TMEM207: variants seen among roughly 807,000 people sequenced by gnomAD.
The protein encoded by TMEM207 is transmembrane protein 207.
In TMEM207, 15 loss-of-function variants were observed where a neutral mutation model predicts 17.4. That is an observed-to-expected ratio of 0.86 (90% CI 0.58 to 1.33). The LOEUF is 1.33. Among genes scored for constraint, TMEM207 ranks in the 40% most tolerant of loss-of-function variants. The pLI, the probability that TMEM207 is intolerant of heterozygous loss-of-function variation, is 0.00. For synonymous variants in TMEM207, 70 were observed against 65.6 expected, an observed-to-expected ratio of 1.07 and a Z score of -0.33; for missense variants, 205 against 173.8, an observed-to-expected ratio of 1.18 and a Z score of -1.01.
chr3:190,449,637 G>T, intron 1 of TMEM207, 98 bp downstream of exon 1: 2 of 1,018,112 alleles, frequency 2.0e-6, no homozygotes, highest in African/African-American at 1.6e-5. Context: ...AAATGTAGAA[G>T]CAGTTAAGTT....
chr3:190,435,036 C>T (rs181956025), intron 4 of TMEM207, among the ~76,000 whole-genome samples: 105 of 152,166 alleles, frequency 6.9e-4, no homozygotes, highest in African/African-American at 2.4e-3. Flanking sequence ...CCTTCTCTGC[C>T]TTCTTGACTT....
intron 4 of TMEM207, among the ~76,000 whole-genome samples, chr3:190,432,648 T>C (rs1719715464): frequency 6.6e-6 from 1 of 152,084 alleles, no homozygotes; most frequent in Non-Finnish European, 1.5e-5. Context: ...AATAAAAGAA[T>C]CCTGGGAGAC....
intron 2 of TMEM207, among the ~76,000 whole-genome samples, chr3:190,443,400 T>G (rs1444731374): frequency 1.3e-5 from 2 of 152,198 alleles, no homozygotes; most frequent in Non-Finnish European, 2.9e-5. Context: ...CAACTTTATT[T>G]CACTTTTTTT....
At chr3:190,445,815 G>T (rs1191618694) in intron 2 of TMEM207, among the ~76,000 whole-genome samples, 2 of 152,190 alleles carry the variant, frequency 1.3e-5, no homozygotes, top group Non-Finnish European at 2.9e-5. Context: ...GTTAGCCACT[G>T]CGCCCGGTCG....
chr3:190,437,519 C>T (rs1719829001), intron 4 of TMEM207, among the ~76,000 whole-genome samples: 3 of 152,148 alleles, frequency 2.0e-5, no homozygotes, highest in Non-Finnish European at 4.4e-5. Context: ...AGACGTAAAA[C>T]AAATTGTGAC....
At chr3:190,431,944 A>T (rs1719702082) in intron 4 of TMEM207, among the ~76,000 whole-genome samples, 1 of 152,206 alleles carries the variant, frequency 6.6e-6, no homozygotes, top group Non-Finnish European at 1.5e-5. Context: ...AAGTTTTGAA[A>T]ACCAAATATG....
At chr3:190,441,054 G>A (rs1719925096) in intron 3 of TMEM207, among the ~76,000 whole-genome samples, 1 of 151,822 alleles carries the variant, frequency 6.6e-6, no homozygotes, top group Admixed American at 6.6e-5. Flanking sequence ...GGGCGACAGA[G>A]CAAAACTGTG....
chr3:190,439,138 C>T lies in TMEM207; in HGVS notation c.304+1106G>A, dbSNP rs928198133. On this transcript the variant is annotated intron_variant, in intron 4 of 4. Transcript: ENST00000354905. ...CTTGCAGTGAGCGGAGATCGCGCCA[C>T]GGCACTCCCGCCTGGGCGACAGAGC... Among the ~76,000 whole-genome samples the T allele has an allele frequency of 3.0e-5, 4 of 134,868 alleles. No homozygotes were observed. In the South Asian group the frequency reaches 7.1e-4, roughly 24 times the overall value. The allele number at this position is 134,868 out of a possible 152,430, so 88.5% of individuals were successfully genotyped here. A position where few individuals can be genotyped will look rare whatever the true frequency, so the allele number is the denominator to read the frequency against.
chr3:190,443,511 C>G (rs2108537916), intron 2 of TMEM207, among the ~76,000 whole-genome samples: 1 of 152,204 alleles, frequency 6.6e-6, no homozygotes, highest in Non-Finnish European at 1.5e-5. Context: ...CTCCAAATCG[C>G]AGGCATCTTT....
intron 4 of TMEM207, 69 bp from the exon 5 acceptor site, chr3:190,429,800 G>C (rs370616396): frequency 7.0e-7 from 1 of 1,438,708 alleles, no homozygotes; most frequent in Non-Finnish European, 9.2e-7. Flanking sequence ...TGAACTGCCC[G>C]ATAAAATCTG....
intron 1 of TMEM207, among the ~76,000 whole-genome samples, chr3:190,448,756 T>C (rs28704674): frequency 0.44 from 66,543 of 151,948 alleles, 15,742 homozygotes; most frequent in African/African-American, 0.62. Context: ...GTGAGATGTG[T>C]CTTTTCCCCC....
intron 1 of TMEM207, among the ~76,000 whole-genome samples, 182 bp from the exon 2 acceptor site, chr3:190,448,009 C>A (rs1720087344): frequency 6.6e-6 from 1 of 152,118 alleles, no homozygotes; most frequent in Non-Finnish European, 1.5e-5. Context: ...TGGGTGGATT[C>A]TTAAGCTCAG....
chr3:190,439,095 T>G (rs1243162265), intron 4 of TMEM207, among the ~76,000 whole-genome samples: 1 of 144,536 alleles, frequency 6.9e-6, no homozygotes, highest in Non-Finnish European at 1.5e-5. Context: ...GAGAATGGCG[T>G]GAACCCGGGA....
chr3:190,444,397 C>A (rs891720268), intron 2 of TMEM207: 1 of 984,464 alleles, frequency 1.0e-6, no homozygotes. Flanking sequence ...TGTCGTGGTG[C>A]GACTGGGACA....
Position 190,446,515 on chromosome 3 carries a change from T to TG in TMEM207, c.113+1274_113+1275insC, listed in dbSNP as rs5855336. 1.1e-3 allele frequency among the ~76,000 whole-genome samples: 164 copies of TG among 152,088 alleles called. 3 individuals are homozygous for TG. The highest frequency in any genetic ancestry group is 3.9e-3 in the African/African-American group (160 of 41,460). ...ATTTCATTTGAGGGTTAATTTTTTT[T>TG]TGTTTTTACTCAAAAGCAATTGTAT... On this transcript the variant is annotated intron_variant, in intron 2 of 4. Coordinates refer to ENST00000354905, the MANE Select transcript of TMEM207 (RefSeq NM_207316.3).
chr3:190,429,851 T>A, intron 4 of TMEM207, 120 bp from the exon 5 acceptor site: 2 of 1,245,280 alleles, frequency 1.6e-6, no homozygotes. Context: ...ATTATTTGTA[T>A]CTATGAGAAA....
In TMEM207 at chr3:190,429,494, A is replaced by T. The variant is rs1247331171; in HGVS notation, c.*101T>A. On this transcript the variant is annotated 3_prime_UTR_variant, in exon 5 of 5. Coordinates refer to ENST00000354905, the MANE Select transcript of TMEM207 (RefSeq NM_207316.3). ...GTCCTTCCTCAGACTATATGAATAG[A>T]TCTCTGGACATTTCCAACAACTGAA... 1.3e-6 allele frequency: 2 copies of T among 1,493,788 alleles called. No individual in the cohort carries two copies. The highest frequency in any genetic ancestry group is 1.8e-6 in the Non-Finnish European group (2 of 1,095,858). 92.5% of individuals were successfully genotyped at this position (1,493,788 alleles called of 1,614,324 possible). A position where few individuals can be genotyped will look rare whatever the true frequency, so the allele number is the denominator to read the frequency against.
intron 4 of TMEM207, among the ~76,000 whole-genome samples, chr3:190,439,126 G>A (rs1560107282): frequency 2.1e-5 from 3 of 142,924 alleles, no homozygotes; most frequent in African/African-American, 8.0e-5. Flanking sequence ...GCAGTGAGCG[G>A]AGATCGCGCC....
intron 2 of TMEM207, among the ~76,000 whole-genome samples, chr3:190,443,281 A>G (rs1719974919): frequency 6.7e-6 from 1 of 149,696 alleles, no homozygotes; most frequent in South Asian, 2.1e-4. Context: ...TAGCCCCTTT[A>G]CTTATCGTTA....
Sources: allele counts gnomAD v4.1 joint callset (sites outside exome capture counted in the v4.1 genomes callset), GRCh38; gene constraint gnomAD v4.1.1; transcripts MANE v1.5; gene names NCBI Gene and HGNC (gene_info 2026-07-23, HGNC 2026-07-21).